The following SPMIP11 variants were observed in gnomAD, a reference collection of about 807,000 sequenced individuals.
SPMIP11 encodes long intergenic non-protein coding RNA 935.
the SPMIP11 span, among the ~76,000 whole-genome samples, chr12:48,755,979 G>A: frequency 6.8e-6 from 1 of 147,546 alleles, no homozygotes; most frequent in Admixed American, 6.9e-5. Context: ...CTGGGTTCAC[G>A]CCATTCTCCT....
chr12:48,730,904 C>A, the SPMIP11 span, among the ~76,000 whole-genome samples: 1 of 152,194 alleles, frequency 6.6e-6, no homozygotes, highest in African/African-American at 2.4e-5. Context: ...CATCATTGCA[C>A]TCCAGCCTGG....
chr12:48,766,425 C>G, the SPMIP11 span: 1 of 152,556 alleles, frequency 6.6e-6, no homozygotes, highest in Non-Finnish European at 1.5e-5. Flanking sequence ...ACAGGCCCTC[C>G]CACCTGGCAA....
the SPMIP11 span, among the ~76,000 whole-genome samples, chr12:48,756,167 GC>G: frequency 6.6e-6 from 1 of 152,042 alleles, no homozygotes; most frequent in Admixed American, 6.6e-5. Context: ...ACAGGCATGA[GC>G]CACCGTGCCC....
the SPMIP11 span, chr12:48,770,765 C>G: frequency 6.2e-7 from 1 of 1,613,806 alleles, no homozygotes; most frequent in Non-Finnish European, 8.5e-7. Context: ...AGCCCTCTTA[C>G]CAATCTTCAT....
the SPMIP11 span, among the ~76,000 whole-genome samples, chr12:48,732,942 T>C: frequency 6.6e-5 from 10 of 151,620 alleles, no homozygotes; most frequent in Middle Eastern, 3.4e-3. Context: ...GAGAATGGCT[T>C]GAACCTGGGA....
the SPMIP11 span, among the ~76,000 whole-genome samples, chr12:48,755,969 C>G: frequency 2.0e-4 from 30 of 150,058 alleles, no homozygotes; most frequent in African/African-American, 6.4e-4. Flanking sequence ...GCTCGGCCTC[C>G]TGGGTTCACG....
chr12:48,731,265 G>T, the SPMIP11 span, among the ~76,000 whole-genome samples: 1 of 152,152 alleles, frequency 6.6e-6, no homozygotes, highest in Non-Finnish European at 1.5e-5. Context: ...GGCCAACGTG[G>T]GCGGATCATG....
chr12:48,759,157 G>A, the SPMIP11 span: 2 of 698,742 alleles, frequency 2.9e-6, no homozygotes, highest in Non-Finnish European at 5.2e-6. Context: ...GGGAATCAGA[G>A]AATCAAATAG....
At chr12:48,771,251 C>A in the SPMIP11 span, 3 of 515,290 alleles carry the variant, frequency 5.8e-6, no homozygotes, top group African/African-American at 3.8e-5. This position sits in a 1 kb window ranked among gnomAD's most constrained non-coding sequence, Gnocchi z 4.3. Flanking sequence ...CCAATCCTTA[C>A]CTTTTGGGAT....
chr12:48,743,933 CAAAAAAAA>C, the SPMIP11 span, among the ~76,000 whole-genome samples: 334 of 34,904 alleles, frequency 9.6e-3, 2 homozygotes, highest in South Asian at 0.044. Context: ...GACTTCGTCT[CAAAAAAAA>C]AAAAAAAAAA....
chr12:48,765,037 A>T, the SPMIP11 span: 3 of 678,420 alleles, frequency 4.4e-6, no homozygotes, highest in East Asian at 2.7e-5. Context: ...CAAGGGAAGT[A>T]CTCCTTCCCT....
At chr12:48,759,329 C>T in the SPMIP11 span, 22 of 702,560 alleles carry the variant, frequency 3.1e-5, 1 homozygote, top group South Asian at 1.5e-4. Flanking sequence ...TTGTTGAAGA[C>T]GTGTAAGTAC....
the SPMIP11 span, chr12:48,771,012 C>G: frequency 6.3e-7 from 1 of 1,592,006 alleles, no homozygotes; most frequent in Non-Finnish European, 8.6e-7. The surrounding 1 kb of genome is among the most constrained non-coding windows in gnomAD (Gnocchi z 4.3). Context: ...GCAAAGACCC[C>G]AGACCCAGCC....
chr12:48,764,355 CA>C, the SPMIP11 span, among the ~76,000 whole-genome samples: 1 of 151,902 alleles, frequency 6.6e-6, no homozygotes, highest in Non-Finnish European at 1.5e-5. Flanking sequence ...TATTTAATAC[CA>C]CATTTAGAAC....
chr12:48,742,682 G>A, the SPMIP11 span, among the ~76,000 whole-genome samples: 5 of 151,634 alleles, frequency 3.3e-5, no homozygotes, highest in South Asian at 2.1e-4. Context: ...TCAGGAGTTC[G>A]AGACCAGCGC....
chr12:48,754,515 A>T, the SPMIP11 span, among the ~76,000 whole-genome samples: 1 of 150,780 alleles, frequency 6.6e-6, no homozygotes, highest in Non-Finnish European at 1.5e-5. Flanking sequence ...CAGTGGTGTG[A>T]TCTCGGCTCA....
chr12:48,759,493 C>T, the SPMIP11 span, among the ~76,000 whole-genome samples: 3,402 of 151,988 alleles, frequency 0.022, 42 homozygotes, highest in Non-Finnish European at 0.035. Context: ...TCAAGACCAG[C>T]CTGGCCAACA....
chr12:48,757,435 C>T, the SPMIP11 span, among the ~76,000 whole-genome samples: 2 of 151,392 alleles, frequency 1.3e-5, no homozygotes, highest in African/African-American at 4.9e-5. Flanking sequence ...ATCATGAGGT[C>T]AGGAGTTGGA....
At chr12:48,746,916 G>A in the SPMIP11 span, among the ~76,000 whole-genome samples, 1 of 150,536 alleles carries the variant, frequency 6.6e-6, no homozygotes, top group Admixed American at 6.6e-5. Context: ...GTGAGACTCT[G>A]TCTCAAAAAA....
Sources: gnomAD v4.1 joint callset for allele counts (sites outside exome capture counted in the v4.1 genomes callset) on GRCh38, gnomAD v4.1.1 for gene constraint, Gnocchi (gnomAD v3.1) non-coding constraint, MANE v1.5 for transcripts, NCBI Gene and HGNC (gene_info 2026-07-23, HGNC 2026-07-21) for gene names.